CDH7: variants seen among roughly 807,000 people sequenced by gnomAD.
CDH7 encodes the protein cadherin-7.
A neutral mutation model predicts 71.8 loss-of-function variants in CDH7; 25 were observed. The ratio of observed to expected loss-of-function variants is 0.35; its 90% CI spans 0.25 to 0.49. The LOEUF (loss-of-function observed/expected upper bound fraction) is 0.49. Ranked by LOEUF, CDH7 falls within the 20% of genes least tolerant of loss-of-function variation. The pLI is 0.99. For synonymous variants in CDH7, 381 were observed against 363.8 expected, an observed-to-expected ratio of 1.05 and a Z score of -0.54; for missense variants, 862 against 974.6, an observed-to-expected ratio of 0.88 and a Z score of 1.54.
intron 11 of CDH7, among the ~76,000 whole-genome samples, chr18:65,878,881 A>C (rs1462334750): frequency 6.6e-6 from 1 of 152,186 alleles, no homozygotes; most frequent in Non-Finnish European, 1.5e-5. Flanking sequence ...TAAAGTGTAA[A>C]GCTTATGAGA....
intron 6 of CDH7, among the ~76,000 whole-genome samples, chr18:65,829,867 C>A (rs560721239): frequency 2.0e-5 from 3 of 149,032 alleles, no homozygotes; most frequent in Non-Finnish European, 4.4e-5. Context: ...GTCCCAGTTC[C>A]ATAAATATTC....
chr18:65,828,550 C>T (rs1179627963), intron 6 of CDH7, among the ~76,000 whole-genome samples: 1 of 151,954 alleles, frequency 6.6e-6, no homozygotes, highest in Non-Finnish European at 1.5e-5. Flanking sequence ...AGATATTAGA[C>T]TGTTTATGTG....
At chr18:65,786,903 G>A (rs2143847641) in intron 2 of CDH7, among the ~76,000 whole-genome samples, 1 of 152,144 alleles carries the variant, frequency 6.6e-6, no homozygotes, top group Non-Finnish European at 1.5e-5. Context: ...TGCCCAGGCT[G>A]GTCTCGAACT....
chr18:65,755,378 G>A (rs1442344980), intron 1 of CDH7, among the ~76,000 whole-genome samples: 1 of 152,092 alleles, frequency 6.6e-6, no homozygotes, highest in African/African-American at 2.4e-5. Context: ...CACCACTTTG[G>A]GAATCTTCAA....
intron 2 of CDH7, among the ~76,000 whole-genome samples, chr18:65,769,240 C>T (rs1400304784): frequency 1.3e-5 from 2 of 152,118 alleles, no homozygotes; most frequent in Non-Finnish European, 2.9e-5. Context: ...AAATTATCTT[C>T]TTAGAAAACA....
At chr18:65,863,446 A>G (rs1162758632) in intron 11 of CDH7, 1 of 161,662 alleles carries the variant, frequency 6.2e-6, no homozygotes, top group Non-Finnish European at 1.4e-5. Flanking sequence ...TTTCAAAGCA[A>G]CAGTGAAGAT....
chr18:65,880,366 T>C (rs1914184000), intron 11 of CDH7, 35 bp from the exon 12 acceptor site: 1 of 1,515,156 alleles, frequency 6.6e-7, no homozygotes, highest in Admixed American at 2.3e-5. Flanking sequence ...TGGGTGAGTT[T>C]ACTGAAACTT....
intron 2 of CDH7, among the ~76,000 whole-genome samples, chr18:65,781,767 TTTCCTTCCTTCC>T (rs1189209857): frequency 9.3e-5 from 7 of 75,486 alleles, no homozygotes; most frequent in African/African-American, 2.9e-4. Context: ...TCTTTCTTTC[TTTCCTTCCTTCC>T]TTCCTTCCTT....
At chr18:65,822,945 CT>C (rs1172177254) in intron 5 of CDH7, among the ~76,000 whole-genome samples, 3 of 151,700 alleles carry the variant, frequency 2.0e-5, no homozygotes, top group East Asian at 1.9e-4. Context: ...TTTTAGTTCC[CT>C]TTTTTTCCCT....
chr18:65,801,320 C>A (rs1022258417), intron 2 of CDH7, among the ~76,000 whole-genome samples: 2 of 152,152 alleles, frequency 1.3e-5, no homozygotes, highest in Non-Finnish European at 2.9e-5. Flanking sequence ...CAAATTGTAT[C>A]CATCTAGTCC....
intron 6 of CDH7, among the ~76,000 whole-genome samples, chr18:65,839,120 G>A (rs868628426): frequency 2.0e-5 from 3 of 152,146 alleles, no homozygotes; most frequent in Admixed American, 2.0e-4. Flanking sequence ...AGTTCATGTA[G>A]TATCTGTGCT....
rs148833863 is a variant in CDH7 at position 65,786,320 on chromosome 18, A to G, written c.210+23268A>G. ...GAGTTTTGTGGGGTCTCAGGCTGAC[A>G]TAAAATATATGGATTTTAAAGCTTC... On this transcript the variant is annotated intron_variant, in intron 2 of 11. Transcript: ENST00000397968. 8.0e-3 allele frequency among the ~76,000 whole-genome samples: 1,221 copies of G among 152,246 alleles called. 16 individuals are homozygous for G. Among genetic ancestry groups the G allele is most frequent in the African/African-American group, 0.028 (1,172 of 41,530 alleles).
intron 2 of CDH7, among the ~76,000 whole-genome samples, chr18:65,782,059 TTC>T (rs1381485688): frequency 5.5e-5 from 3 of 54,636 alleles, no homozygotes; most frequent in Non-Finnish European, 9.4e-5. Flanking sequence ...CCTTCCTTCC[TTC>T]CTTTCTTTCT....
intron 7 of CDH7, among the ~76,000 whole-genome samples, chr18:65,851,023 C>T (rs1451712463): frequency 6.6e-6 from 1 of 152,004 alleles, no homozygotes; most frequent in African/African-American, 2.4e-5. Flanking sequence ...AGGCTGGTCT[C>T]TAAGTCCTGA....
intron 7 of CDH7, among the ~76,000 whole-genome samples, chr18:65,853,895 T>A (rs1913234385): frequency 1.0e-5 from 1 of 95,702 alleles, no homozygotes; most frequent in Non-Finnish European, 1.9e-5. Flanking sequence ...AATGATAACA[T>A]CATAAATTAC....
intron 6 of CDH7, among the ~76,000 whole-genome samples, 194 bp from the exon 7 acceptor site, chr18:65,843,618 G>A (rs1298370749): frequency 6.6e-6 from 1 of 152,078 alleles, no homozygotes; most frequent in Admixed American, 6.6e-5. Flanking sequence ...TGATTCAAAA[G>A]CACTAACCAT....
intron 2 of CDH7, among the ~76,000 whole-genome samples, chr18:65,805,646 G>A (rs1911288748): frequency 6.6e-6 from 1 of 152,176 alleles, no homozygotes; most frequent in African/African-American, 2.4e-5. Flanking sequence ...AGCAATAGAT[G>A]CTTCCTGGAA....
At chr18:65,870,567 G>A (rs1282883703) in intron 11 of CDH7, among the ~76,000 whole-genome samples, 1 of 152,046 alleles carries the variant, frequency 6.6e-6, no homozygotes, top group East Asian at 1.9e-4. Context: ...ACCTCTCTAA[G>A]GTATCAGGCT....
rs1282086988 is a variant in CDH7, at chr18:65,886,881, A to G, written c.*5987A>G. On this transcript the variant is annotated 3_prime_UTR_variant, in exon 12 of 12. Transcript: ENST00000397968. Reference sequence around the variant, plus strand: ...CGAATGAAGAAACTCTAGGAAACTAAAAAATAATATATAATGGATATTACT... The same window carrying G: ...CGAATGAAGAAACTCTAGGAAACTAGAAAATAATATATAATGGATATTACT... The G allele has an allele frequency of 6.6e-6, 1 of 152,140 alleles. No homozygotes were observed. Among genetic ancestry groups the G allele is most frequent in the African/African-American group, 2.4e-5 (1 of 41,448 alleles). 9.4% of individuals were successfully genotyped at this position (152,140 alleles called of 1,614,324 possible). A position where few individuals can be genotyped will look rare whatever the true frequency, so the allele number is the denominator to read the frequency against.
Sources: gnomAD v4.1 joint callset for allele counts (sites outside exome capture counted in the v4.1 genomes callset) on GRCh38, gnomAD v4.1.1 for gene constraint, MANE v1.5 for transcripts, NCBI Gene and HGNC (gene_info 2026-07-23, HGNC 2026-07-21) for gene names.